Variants in FAM168A observed in about 807,000 individuals in gnomAD.
FAM168A encodes the protein family with sequence similarity 168 member A.
FAM168A carries 3 observed loss-of-function variants against 28.5 expected under a neutral mutation model. That is an observed-to-expected ratio of 0.11 (90% CI 0.05 to 0.27). The LOEUF is 0.27. FAM168A is among the 10% of genes least tolerant of loss of function. The pLI is 1.00. For synonymous variants in FAM168A, 122 were observed against 124.2 expected, an observed-to-expected ratio of 0.98 and a Z score of 0.12; for missense variants, 222 against 311.5, an observed-to-expected ratio of 0.71 and a Z score of 2.16.
intron 2 of FAM168A, among the ~76,000 whole-genome samples, chr11:73,444,139 G>A (rs952209210): frequency 4.2e-4 from 64 of 152,284 alleles, no homozygotes; most frequent in African/African-American, 1.3e-3. Context: ...TAATCCTCAT[G>A]AACACAAGGA....
chr11:73,597,999 G>C lies in FAM168A; in HGVS notation c.-95C>G, dbSNP rs1280605273. On this transcript the variant is annotated 5_prime_UTR_variant, in exon 1 of 8. Coordinates refer to ENST00000356467, the MANE Select transcript of FAM168A (RefSeq NM_015159.3). Reference sequence around the variant, plus strand: ...GCCCTTGTCTTCTCCGGAGGCTACGGCGGCGACGCTCTCGCCCGTGTCCAG... The same window carrying C: ...GCCCTTGTCTTCTCCGGAGGCTACGCCGGCGACGCTCTCGCCCGTGTCCAG... 1.3e-5 allele frequency: 2 copies of C among 154,016 alleles called. No individual in the cohort carries two copies. Among genetic ancestry groups the C allele is most frequent in the East Asian group, 3.8e-4 (2 of 5,238 alleles). 9.5% of individuals were successfully genotyped at this position (154,016 alleles called of 1,614,324 possible).
chr11:73,569,909 G>A (rs551607730), intron 1 of FAM168A, among the ~76,000 whole-genome samples: 1 of 141,374 alleles, frequency 7.1e-6, no homozygotes, highest in African/African-American at 3.1e-5. Flanking sequence ...TTACAGCAGG[G>A]GAAAAAAATA....
At chr11:73,589,727 G>A (rs764669199) in intron 1 of FAM168A, among the ~76,000 whole-genome samples, 1 of 152,176 alleles carries the variant, frequency 6.6e-6, no homozygotes, top group African/African-American at 2.4e-5. Context: ...AGGAGTTCAA[G>A]ACCAGCCTGG....
At chr11:73,492,956 A>G (rs1854780625) in intron 1 of FAM168A, among the ~76,000 whole-genome samples, 1 of 152,196 alleles carries the variant, frequency 6.6e-6, no homozygotes, top group African/African-American at 2.4e-5. Flanking sequence ...GTTCTCACTT[A>G]TAAGCAGGAA....
In FAM168A at chr11:73,479,131, T is replaced by C. The variant is rs557046360; in HGVS notation, c.-18-10639A>G. Among the ~76,000 whole-genome samples the C allele has an allele frequency of 5.9e-5, 9 of 152,220 alleles. No homozygotes were observed. In the East Asian group the frequency reaches 1.7e-3, roughly 29 times the overall value. ...CTTACTGATTCCTGCTATCTAGAAT[T>C]AGGACATGATGATTATAGCTCAGCA... is the stretch of plus-strand genomic sequence containing the variant. On this transcript the variant is annotated intron_variant, in intron 1 of 7. Coordinates refer to ENST00000356467, the MANE Select transcript of FAM168A (RefSeq NM_015159.3).
chr11:73,540,656 C>G (rs1943641892), intron 1 of FAM168A, among the ~76,000 whole-genome samples: 1 of 152,226 alleles, frequency 6.6e-6, no homozygotes, highest in South Asian at 2.1e-4. Flanking sequence ...TCATTCAGGA[C>G]TCTGCTCAAA....
At chr11:73,541,161 C>T (rs1221847591) in intron 1 of FAM168A, among the ~76,000 whole-genome samples, 3 of 151,834 alleles carry the variant, frequency 2.0e-5, no homozygotes, top group Non-Finnish European at 2.9e-5. Flanking sequence ...GCCAAGAATG[C>T]ATTACCGCAC....
intron 2 of FAM168A, among the ~76,000 whole-genome samples, chr11:73,456,912 T>TG (rs35228221): frequency 1.3e-5 from 2 of 152,140 alleles, no homozygotes; most frequent in African/African-American, 4.8e-5. Context: ...CCTCCAAATA[T>TG]GGGGGTTATG....
At chr11:73,572,569 A>T (rs1436282815) in intron 1 of FAM168A, among the ~76,000 whole-genome samples, 1 of 150,252 alleles carries the variant, frequency 6.7e-6, no homozygotes, top group Non-Finnish European at 1.5e-5. Context: ...TTGATCTATG[A>T]CCTTACCCCC....
At chr11:73,450,954 A>T (rs1162213406) in intron 2 of FAM168A, among the ~76,000 whole-genome samples, 1 of 152,238 alleles carries the variant, frequency 6.6e-6, no homozygotes, top group Non-Finnish European at 1.5e-5. Context: ...CTCTTAGACC[A>T]GCTTTTTCCA....
rs376882490 is a variant in FAM168A at position 73,439,854 on chromosome 11, A to C, written c.71-9084T>G. Among the ~76,000 whole-genome samples, 79 of 148,476 alleles carry C rather than the reference A, an allele frequency of 5.3e-4. 2 individuals are homozygous for C. Among genetic ancestry groups the C allele is most frequent in the Admixed American group, 3.0e-3 (45 of 14,936 alleles). ...ATTTTGTGAATCGATAATTTGGTCC[A>C]TGAATACCTTTGTCTCTCAGGTCAC... On this transcript the variant is annotated intron_variant, in intron 2 of 7. Transcript: ENST00000356467.
intron 1 of FAM168A, among the ~76,000 whole-genome samples, chr11:73,520,808 G>A (rs1943365513): frequency 6.6e-6 from 1 of 150,982 alleles, no homozygotes; most frequent in Non-Finnish European, 1.5e-5. Context: ...CTCTTATCAG[G>A]TGTCAAGCCA....
At chr11:73,498,848 G>A (rs1854945071) in intron 1 of FAM168A, among the ~76,000 whole-genome samples, 1 of 152,184 alleles carries the variant, frequency 6.6e-6, no homozygotes. Context: ...CAGAGGCTCA[G>A]GGATGGAATT....
At chr11:73,470,455 T>C (rs1017929624) in intron 1 of FAM168A, among the ~76,000 whole-genome samples, 3 of 152,158 alleles carry the variant, frequency 2.0e-5, no homozygotes, top group Non-Finnish European at 2.9e-5. Context: ...TTAATAACCA[T>C]TTTAACAGTA....
chr11:73,526,806 GTTTTGGC>G (rs1943451988), intron 1 of FAM168A, among the ~76,000 whole-genome samples: 1 of 127,044 alleles, frequency 7.9e-6, no homozygotes, highest in Non-Finnish European at 1.6e-5. Flanking sequence ...TAATCTCTGT[GTTTTGGC>G]TTTTGAAGAT....
At chr11:73,428,581 A>G (rs1866929368) in intron 3 of FAM168A, among the ~76,000 whole-genome samples, 1 of 152,210 alleles carries the variant, frequency 6.6e-6, no homozygotes, top group Admixed American at 6.5e-5. Context: ...TACAAAGTCA[A>G]TTCACAGATC....
intron 1 of FAM168A, among the ~76,000 whole-genome samples, chr11:73,562,793 T>C (rs1350694458): frequency 2.0e-5 from 3 of 152,126 alleles, no homozygotes; most frequent in Non-Finnish European, 4.4e-5. Context: ...ACCACTGCAT[T>C]TCAGCCTAGG....
rs144076343 is a variant in FAM168A at position 73,513,707 on chromosome 11, C to T, written c.-18-45215G>A. The stretch of plus-strand genomic sequence containing the variant: ...GCACTGGAATTCATAAGCAAGAATT[C>T]AACAAATCGTTTTTATATTAAACCA... On this transcript the variant is annotated intron_variant, in intron 1 of 7. Coordinates refer to ENST00000356467, the MANE Select transcript of FAM168A (RefSeq NM_015159.3). Among the ~76,000 whole-genome samples, 786 of 152,170 alleles carry T rather than the reference C, an allele frequency of 5.2e-3. 5 individuals carry two copies. The highest frequency in any genetic ancestry group is 0.02 in the Middle Eastern group (6 of 294).
At chr11:73,498,477 G>A (rs932367685) in intron 1 of FAM168A, among the ~76,000 whole-genome samples, 6 of 152,178 alleles carry the variant, frequency 3.9e-5, no homozygotes, top group Admixed American at 3.9e-4. Flanking sequence ...CTCTTAGCTG[G>A]AATCTGCTTA....
Sources: gnomAD v4.1 joint callset for allele counts (sites outside exome capture counted in the v4.1 genomes callset) on GRCh38, gnomAD v4.1.1 for gene constraint, MANE v1.5 for transcripts, NCBI Gene and HGNC (gene_info 2026-07-23, HGNC 2026-07-21) for gene names.